DRG2: variants seen among roughly 807,000 people sequenced by gnomAD.
DRG2 encodes the protein developmentally-regulated GTP-binding protein 2.
Under a neutral mutation model 53.4 loss-of-function variants are expected in DRG2, and 36 were observed. The ratio of observed to expected loss-of-function variants is 0.67; its 90% CI spans 0.52 to 0.89. The LOEUF (loss-of-function observed/expected upper bound fraction) is 0.89, where lower values mean the gene tolerates loss of function less well. DRG2 is among the 40% of genes least tolerant of loss of function. The probability of loss-of-function intolerance (pLI) is 0.00; values close to 1 mark genes in which losing one functional copy is unlikely to be tolerated. For synonymous variants in DRG2, 167 were observed against 192.1 expected (o/e 0.87, Z 1.08); for missense variants, 342 against 481.2 (o/e 0.71, Z 2.71).
chr17:18,103,869 T>C lies in DRG2; in HGVS notation c.875T>C (p.Ile292Thr), dbSNP rs1567606180. 6.2e-7 allele frequency: 1 copy of C among 1,614,086 alleles called. No individual in the cohort carries two copies. The highest frequency in any genetic ancestry group is 1.1e-5 in the South Asian group (1 of 91,078). The change falls in exon 10 of 13, where the codon ATC becomes ACC. Residue 292 changes from isoleucine to threonine, a missense_variant. By Grantham distance (89) the Ile-to-Thr change is moderately conservative. Transcript: ENST00000225729. The surrounding 1 kb of genome is among the most constrained non-coding windows in gnomAD (Gnocchi z 4.4). The part of the protein sequence containing the change: ...MLWEYLALTC[I>T]YTKKRGQRPD... ...TGGGAGTACTTGGCCCTGACCTGCA[T>C]CTACACCAAGAAGAGAGGACGTGAG...
chr17:18,100,145 C>T lies in DRG2; in HGVS notation c.468-218C>T, dbSNP rs567773383. ...GGCTCCACCACTTGCCTGTGCATGC[C>T]GACCGTAAACCGGGCCAGTCCCCTC... On this transcript the variant is annotated intron_variant, in intron 5 of 12. Coordinates refer to ENST00000225729, the MANE Select transcript of DRG2 (RefSeq NM_001388.5). The surrounding 1 kb of genome is among the most constrained non-coding windows in gnomAD (Gnocchi z 4.1). The T allele has an allele frequency of 3.8e-4, 229 of 607,390 alleles. 2 individuals are homozygous for T. Among genetic ancestry groups the T allele is most frequent in the South Asian group, 3.7e-3 (190 of 50,736 alleles). 37.6% of individuals were successfully genotyped at this position (607,390 alleles called of 1,614,324 possible). A position where few individuals can be genotyped will look rare whatever the true frequency, so the allele number is the denominator to read the frequency against.
At chr17:18,096,700 T>C (rs2045439178) in intron 2 of DRG2, 1 of 152,252 alleles carries the variant, frequency 6.6e-6, no homozygotes, top group Non-Finnish European at 1.5e-5. Context: ...GGCTGTTGTG[T>C]AGATAGCAGG....
In DRG2 at chr17:18,107,862, G is replaced by A. The variant is rs1035625237; in HGVS notation, c.*622G>A. ...GCCCCTGCCCAGCACAAAACCCCAG[G>A]ACCCTGGCTCTGCACGCCTGGGGCA... is the stretch of plus-strand genomic sequence containing the variant. On this transcript the variant is annotated 3_prime_UTR_variant, in exon 13 of 13. Transcript: ENST00000225729. 6 of 152,894 alleles carry A rather than the reference G, an allele frequency of 3.9e-5. No homozygotes were observed. Among genetic ancestry groups the A allele is most frequent in the African/African-American group, 1.4e-4 (6 of 41,460 alleles). 9.5% of individuals were successfully genotyped at this position (152,894 alleles called of 1,614,324 possible).
At chr17:18,106,542 T>A (rs2045636988) in intron 12 of DRG2, 56 bp downstream of exon 12, 1 of 1,594,068 alleles carries the variant, frequency 6.3e-7, no homozygotes, top group Non-Finnish European at 8.6e-7. Flanking sequence ...GCCCCTGGGT[T>A]AGGCATGAAG....
At position 18,100,668 on chromosome 17, in the gene DRG2, C is replaced by G. The variant is rs763460003; in HGVS notation, c.631+9C>G. 1.9e-6 allele frequency: 3 copies of G among 1,612,052 alleles called. No individual in the cohort carries two copies. In the South Asian group the frequency reaches 3.3e-5, roughly 18 times the overall value. On this transcript the variant is annotated intron_variant, in intron 7 of 12. Coordinates refer to ENST00000225729, the MANE Select transcript of DRG2 (RefSeq NM_001388.5). The surrounding 1 kb of genome is among the most constrained non-coding windows in gnomAD (Gnocchi z 4.1). ...CATCCTGCACGAATACAGTATCCTT[C>G]CCTGAAAGACACGTGAAGGAGGGCA...
In DRG2 at chr17:18,107,327, T is replaced by C. The variant is rs548616252; in HGVS notation, c.*87T>C. The C allele has an allele frequency of 3.0e-6, 4 of 1,322,918 alleles. No individual in the cohort carries two copies. The highest frequency in any genetic ancestry group is 3.2e-6 in the Non-Finnish European group (3 of 939,694). 81.9% of individuals were successfully genotyped at this position (1,322,918 alleles called of 1,614,324 possible). A position where few individuals can be genotyped will look rare whatever the true frequency, so the allele number is the denominator to read the frequency against. ...ACACACAAACACCCAAACAGAAAAA[T>C]ACAAATACACGTACCCCAGGAAGGG... On this transcript the variant is annotated 3_prime_UTR_variant, in exon 13 of 13. Coordinates refer to ENST00000225729, the MANE Select transcript of DRG2 (RefSeq NM_001388.5).
chr17:18,089,453 C>A (rs1335016028), intron 1 of DRG2, among the ~76,000 whole-genome samples: 1 of 152,164 alleles, frequency 6.6e-6, no homozygotes, highest in African/African-American at 2.4e-5. Flanking sequence ...CTTTCCTGAG[C>A]CTTTACTATG....
rs1274491160 is a variant in DRG2 at position 18,103,529 on chromosome 17, A to G, written c.807-272A>G. Among the ~76,000 whole-genome samples, 1 of 152,068 alleles carries G rather than the reference A, an allele frequency of 6.6e-6. No homozygotes were observed. The highest frequency in any genetic ancestry group is 1.5e-5 in the Non-Finnish European group (1 of 67,990). On this transcript the variant is annotated intron_variant, in intron 9 of 12. Coordinates refer to ENST00000225729, the MANE Select transcript of DRG2 (RefSeq NM_001388.5). The surrounding 1 kb of genome is among the most constrained non-coding windows in gnomAD (Gnocchi z 4.4). ...GGCCATCTCGCCATGGCAGCCCTTC[A>G]CTAATCACACATGCTGCAACCCTCC...
chr17:18,105,584 C>T (rs1411339125), intron 11 of DRG2: 3 of 152,296 alleles, frequency 2.0e-5, no homozygotes, highest in African/African-American at 7.2e-5. Context: ...CTCACGATTA[C>T]CCTCCTGAAT....
chr17:18,107,007 G>T, intron 12 of DRG2, 147 bp from the exon 13 acceptor site: 1 of 671,994 alleles, frequency 1.5e-6, no homozygotes, highest in Non-Finnish European at 2.6e-6. Context: ...ATCAGGGATG[G>T]TCAGACAACT....
In DRG2 at chr17:18,098,050, C is replaced by G. The variant is rs925153867; in HGVS notation, c.226-220C>G. 1 of 467,962 alleles carries G rather than the reference C, an allele frequency of 2.1e-6. No homozygotes were observed. Among genetic ancestry groups the G allele is most frequent in the African/African-American group, 2.0e-5 (1 of 50,870 alleles). The allele number at this position is 467,962 out of a possible 1,614,324, so 29.0% of individuals were successfully genotyped here. On this transcript the variant is annotated intron_variant, in intron 2 of 12. Transcript: ENST00000225729. This position sits in a 1 kb window ranked among gnomAD's most constrained non-coding sequence, Gnocchi z 4.1. ...GCCTCTACCTGAGACAGTCCTGAGG[C>G]CTCCAAGGAACAGATGGGCCTCTGG... is the stretch of plus-strand genomic sequence containing the variant.
Position 18,098,142 on chromosome 17 carries a change from T to G in DRG2, c.226-128T>G, listed in dbSNP as rs1455944269. On this transcript the variant is annotated intron_variant, in intron 2 of 12. Coordinates refer to ENST00000225729, the MANE Select transcript of DRG2 (RefSeq NM_001388.5). This position sits in a 1 kb window ranked among gnomAD's most constrained non-coding sequence, Gnocchi z 4.1. ...GCTGGGAGGTCTCTTCACAGCCACC[T>G]AGGTCACCAAGCCGAGGGTGAGAGG... is the stretch of plus-strand genomic sequence containing the variant. The G allele has an allele frequency of 8.4e-5, 60 of 714,926 alleles. No individual in the cohort carries two copies. The Admixed American group carries it at 1.2e-3, about 14-fold the overall frequency. The allele number at this position is 714,926 out of a possible 1,614,324, so 44.3% of individuals were successfully genotyped here.
rs548067946 is a variant in DRG2, at chr17:18,100,249, G to A, written c.468-114G>A. 2.8e-6 allele frequency: 3 copies of A among 1,068,386 alleles called. No individual in the cohort carries two copies. Among genetic ancestry groups the A allele is most frequent in the Admixed American group, 3.5e-5 (2 of 57,440 alleles). 66.2% of individuals were successfully genotyped at this position (1,068,386 alleles called of 1,614,324 possible). A position where few individuals can be genotyped will look rare whatever the true frequency, so the allele number is the denominator to read the frequency against. ...AGTGTTCTCTGGGTTGCTGGGGAAGGGGGTGGAGGAGAGAGTCAGTCTCTG... is the reference window on the plus strand; with the variant it reads ...AGTGTTCTCTGGGTTGCTGGGGAAGAGGGTGGAGGAGAGAGTCAGTCTCTG... On this transcript the variant is annotated intron_variant, in intron 5 of 12. Transcript: ENST00000225729. This position sits in a 1 kb window ranked among gnomAD's most constrained non-coding sequence, Gnocchi z 4.1.
In DRG2 at chr17:18,107,722, CAG is replaced by C. The variant is rs1386173499; in HGVS notation, c.*483_*484del. ...AGGAAACCCCCTTGGGTGCCCCACA[CAG>C]GGCTCTCCATGATGGGAACCAGTGG... On this transcript the variant is annotated 3_prime_UTR_variant, in exon 13 of 13. Coordinates refer to ENST00000225729, the MANE Select transcript of DRG2 (RefSeq NM_001388.5). The C allele has an allele frequency of 5.4e-6, 1 of 185,590 alleles. No individual in the cohort carries two copies. The highest frequency in any genetic ancestry group is 1.3e-4 in the East Asian group (1 of 7,556). 11.5% of individuals were successfully genotyped at this position (185,590 alleles called of 1,614,324 possible).
Position 18,100,121 on chromosome 17 carries a change from G to T in DRG2, c.468-242G>T, listed in dbSNP as rs2045503307. ...ACCCTCATGTGGTCACCTCGCGGGG[G>T]CTCCACCACTTGCCTGTGCATGCCG... On this transcript the variant is annotated intron_variant, in intron 5 of 12. Coordinates refer to ENST00000225729, the MANE Select transcript of DRG2 (RefSeq NM_001388.5). The surrounding 1 kb of genome is among the most constrained non-coding windows in gnomAD (Gnocchi z 4.1). 1.7e-6 allele frequency: 1 copy of T among 594,242 alleles called. No homozygotes were observed. Among genetic ancestry groups the T allele is most frequent in the African/African-American group, 1.9e-5 (1 of 53,904 alleles). The allele number at this position is 594,242 out of a possible 1,614,324, so 36.8% of individuals were successfully genotyped here.
Position 18,092,889 on chromosome 17 carries a change from A to G in DRG2, c.65-924A>G, listed in dbSNP as rs930151060. On this transcript the variant is annotated intron_variant, in intron 1 of 12. Transcript: ENST00000225729. ...GGCTGCCATGGCAGCGTGGGATCCC[A>G]GAATGGTGAGCAGCTCTAGGTAAAG... 9.8e-5 allele frequency among the ~76,000 whole-genome samples: 15 copies of G among 152,350 alleles called. No individual in the cohort carries two copies. The South Asian group carries it at 2.3e-3, about 23-fold the overall frequency.
chr17:18,093,710 G>A (rs989824908), intron 1 of DRG2, 103 bp from the exon 2 acceptor site: 43 of 1,341,478 alleles, frequency 3.2e-5, no homozygotes, highest in Non-Finnish European at 4.3e-5. Flanking sequence ...CTCCTTGACA[G>A]CAGTTGCTTC....
chr17:18,101,421 T>C, intron 7 of DRG2, 72 bp from the exon 8 acceptor site: 1 of 1,482,012 alleles, frequency 6.7e-7, no homozygotes, highest in Non-Finnish European at 9.3e-7. Flanking sequence ...CCTGCTTGGC[T>C]TTTTGGGGCC....
Position 18,098,866 on chromosome 17 carries a change from T to C in DRG2, c.316-151T>C. 2.6e-6 allele frequency: 2 copies of C among 776,198 alleles called. No homozygotes were observed. The highest frequency in any genetic ancestry group is 4.1e-6 in the Non-Finnish European group (2 of 483,694). 48.1% of individuals were successfully genotyped at this position (776,198 alleles called of 1,614,324 possible). A position where few individuals can be genotyped will look rare whatever the true frequency, so the allele number is the denominator to read the frequency against. ...GGCTGTGGTCTGCACTGGGCTGGGG[T>C]GGTGACAAGGCTCAGACTTGGCCAC... On this transcript the variant is annotated intron_variant, in intron 3 of 12. Coordinates refer to ENST00000225729, the MANE Select transcript of DRG2 (RefSeq NM_001388.5). This position sits in a 1 kb window ranked among gnomAD's most constrained non-coding sequence, Gnocchi z 4.1.
Sources: allele counts gnomAD v4.1 joint callset (sites outside exome capture counted in the v4.1 genomes callset), GRCh38; gene constraint gnomAD v4.1.1; non-coding constraint Gnocchi (gnomAD v3.1); transcripts MANE v1.5; gene names NCBI Gene and HGNC (gene_info 2026-07-23, HGNC 2026-07-21).